RUBCNL: variants seen among roughly 807,000 people sequenced by gnomAD.
RUBCNL encodes rubicon like autophagy enhancer, also known as protein associated with UVRAG as autophagy enhancer.
In RUBCNL, 62 loss-of-function variants were observed where a neutral mutation model predicts 69.5. The observed-to-expected ratio is 0.89, with a 90% confidence interval of 0.73 to 1.10. The LOEUF is 1.10. Ranked by LOEUF, RUBCNL falls within the 50% of genes least tolerant of loss-of-function variation. RUBCNL has a pLI of 0.00. For missense variants in RUBCNL, 768 were observed against 798.1 expected (o/e 0.96, Z 0.45); for synonymous variants, 291 against 303.6 (o/e 0.96, Z 0.43).
Position 46,335,531 on chromosome 13 carries a change from A to G in RUBCNL, c.*7854T>C, listed in dbSNP as rs1256537423. 1.3e-5 allele frequency among the ~76,000 whole-genome samples: 2 copies of G among 152,178 alleles called. No individual in the cohort carries two copies. Among genetic ancestry groups the G allele is most frequent in the African/African-American group, 4.8e-5 (2 of 41,450 alleles). On this transcript the variant is annotated 3_prime_UTR_variant, in exon 15 of 15. Coordinates refer to ENST00000429979, the MANE Select transcript of RUBCNL (RefSeq NM_025113.5). ...AGGGGCAAGTGTGGAAAGAGGAGATAGGAGGTTTTTAATTAGGTTGAACCA... is the reference window on the plus strand; with the variant it reads ...AGGGGCAAGTGTGGAAAGAGGAGATGGGAGGTTTTTAATTAGGTTGAACCA...
At chr13:46,387,791 C>T (rs1256101387), upstream of RUBCNL, 2 of 985,506 alleles carry the variant, frequency 2.0e-6, no homozygotes, top group African/African-American at 3.5e-5. Context: ...GTCAGCAACT[C>T]GTCACCTTGT....
rs142745251 is a variant in RUBCNL, at chr13:46,372,416, G to A, written c.60C>T (p.Ser20=). The change falls in exon 3 of 15, where the codon AGC becomes AGT. Residue 20 remains serine, a synonymous_variant. Coordinates refer to ENST00000429979, the MANE Select transcript of RUBCNL (RefSeq NM_025113.5). The stretch of plus-strand genomic sequence containing the variant: ...AACCATCAATAATGCCAGAGTGATC[G>A]CTGATCCCTTCCCAGGGCTCCACAG... ...DSPVEPWEGI[S]DHSGIIDGSP... The A allele has an allele frequency of 3.0e-4, 479 of 1,612,872 alleles. 2 individuals carry two copies. The African/African-American group carries it at 5.7e-3, about 19-fold the overall frequency.
rs140539706 is a variant in RUBCNL, at chr13:46,357,193, C to A, written c.1266-697G>T. Among the ~76,000 whole-genome samples, 1,302 of 151,642 alleles carry A rather than the reference C, an allele frequency of 8.6e-3. 12 individuals carry two copies. Among genetic ancestry groups the A allele is most frequent in the African/African-American group, 0.029 (1,206 of 41,428 alleles). On this transcript the variant is annotated intron_variant, in intron 9 of 14. Coordinates refer to ENST00000429979, the MANE Select transcript of RUBCNL (RefSeq NM_025113.5). ...CTAAAAATACAAAAAATTAGCCGGG[C>A]GTGGTGGTGGACACCTGTGGTCCCA...
chr13:46,345,720 A>ATTTT, intron 12 of RUBCNL, 120 bp from the exon 13 acceptor site: 1 of 955,344 alleles, frequency 1.0e-6, no homozygotes, highest in South Asian at 1.9e-5. Context: ...CAATTTAAAA[A>ATTTT]ATAAATAGCT....
chr13:46,379,371 C>T (rs953946108), intron 1 of RUBCNL, among the ~76,000 whole-genome samples: 3 of 152,214 alleles, frequency 2.0e-5, no homozygotes, highest in South Asian at 2.1e-4. Flanking sequence ...CCACCGCAGG[C>T]GGCCGAGGGC....
At chr13:46,376,531 C>T (rs958280268) in intron 2 of RUBCNL, among the ~76,000 whole-genome samples, 2 of 152,130 alleles carry the variant, frequency 1.3e-5, no homozygotes, top group African/African-American at 2.4e-5. Context: ...GACCTCAAAT[C>T]CCACCTTGTG....
chr13:46,339,293 C>A lies in RUBCNL; in HGVS notation c.*4092G>T, dbSNP rs1464090703. Among the ~76,000 whole-genome samples the A allele has an allele frequency of 1.3e-5, 2 of 151,802 alleles. No individual in the cohort carries two copies. The highest frequency in any genetic ancestry group is 2.9e-5 in the Non-Finnish European group (2 of 68,016). On this transcript the variant is annotated 3_prime_UTR_variant, in exon 15 of 15. Coordinates refer to ENST00000429979, the MANE Select transcript of RUBCNL (RefSeq NM_025113.5). ...AAAAGGGGAACTACGGTTTTCCTTC[C>A]CATACCAGTTGAGAAATTATTTAAA...
At chr13:46,343,582 G>A in intron 14 of RUBCNL, 85 bp from the exon 15 acceptor site, 1 of 1,406,286 alleles carries the variant, frequency 7.1e-7, no homozygotes, top group Non-Finnish European at 9.7e-7. Context: ...TCCTAGGGAG[G>A]GAGAGGGGTC....
intron 2 of RUBCNL, among the ~76,000 whole-genome samples, chr13:46,376,296 CAT>C: frequency 6.6e-6 from 1 of 151,974 alleles, no homozygotes; most frequent in East Asian, 1.9e-4. Flanking sequence ...TTGCATATGA[CAT>C]ATATTGTTTC....
chr13:46,377,263 TTTTTCA>T, intron 2 of RUBCNL, among the ~76,000 whole-genome samples: 1 of 152,286 alleles, frequency 6.6e-6, no homozygotes, highest in East Asian at 1.9e-4. Flanking sequence ...GGTGGTTTTG[TTTTTCA>T]TTTTGTTTTC....
At chr13:46,384,235 A>C (rs916734000) in intron 1 of RUBCNL, among the ~76,000 whole-genome samples, 1 of 152,246 alleles carries the variant, frequency 6.6e-6, no homozygotes, top group African/African-American at 2.4e-5. Flanking sequence ...TTCACTTAAC[A>C]AACTTAAAAG....
At chr13:46,388,257 G>A (rs1474252325), upstream of RUBCNL, among the ~76,000 whole-genome samples, 4 of 140,168 alleles carry the variant, frequency 2.9e-5, no homozygotes, top group African/African-American at 1.0e-4. Context: ...AGGGAGGGAG[G>A]AAGGCAGGCA....
chr13:46,343,742 C>T (rs1188450926), intron 14 of RUBCNL, among the ~76,000 whole-genome samples: 1 of 152,112 alleles, frequency 6.6e-6, no homozygotes, highest in African/African-American at 2.4e-5. Flanking sequence ...ACTGCAGTGC[C>T]CCCTGGATCT....
chr13:46,368,320 A>G, intron 4 of RUBCNL, 71 bp from the exon 5 acceptor site: 1 of 1,491,760 alleles, frequency 6.7e-7, no homozygotes, highest in South Asian at 1.2e-5. Context: ...TAGATTTGAA[A>G]AATCAATATG....
intron 10 of RUBCNL, among the ~76,000 whole-genome samples, chr13:46,352,559 C>T (rs2048393395): frequency 6.6e-6 from 1 of 150,592 alleles, no homozygotes; most frequent in Non-Finnish European, 1.5e-5. Flanking sequence ...AATCGCAGCA[C>T]TTTGGGAGGC....
chr13:46,367,139 G>A (rs2048775220), intron 5 of RUBCNL, among the ~76,000 whole-genome samples: 2 of 152,146 alleles, frequency 1.3e-5, no homozygotes, highest in Admixed American at 1.3e-4. Context: ...CTCGTCCCTC[G>A]GGGAAGAGCC....
chr13:46,352,160 G>A (rs2048384066), intron 10 of RUBCNL, among the ~76,000 whole-genome samples: 1 of 152,154 alleles, frequency 6.6e-6, no homozygotes. Flanking sequence ...AACACTCATT[G>A]ACCACTTTTG....
chr13:46,356,797 CG>C (rs2048495687), intron 9 of RUBCNL, among the ~76,000 whole-genome samples: 1 of 151,874 alleles, frequency 6.6e-6, no homozygotes. Flanking sequence ...TCAAACTCCT[CG>C]GCTCAGCTCA....
At chr13:46,347,438 T>C (rs1379623328) in intron 12 of RUBCNL, among the ~76,000 whole-genome samples, 3 of 151,968 alleles carry the variant, frequency 2.0e-5, no homozygotes, top group Non-Finnish European at 2.9e-5. Context: ...AAAAAAACTA[T>C]ACTTTAAATC....
Sources: allele counts gnomAD v4.1 joint callset (sites outside exome capture counted in the v4.1 genomes callset), GRCh38; gene constraint gnomAD v4.1.1; transcripts MANE v1.5; gene names NCBI Gene and HGNC (gene_info 2026-07-23, HGNC 2026-07-21).